The following PASD1 variants were observed in gnomAD, a reference collection of about 807,000 sequenced individuals.
PASD1 encodes circadian clock protein PASD1.
In PASD1, 13 loss-of-function variants were observed where a neutral mutation model predicts 58.8. The ratio of observed to expected loss-of-function variants is 0.22; its 90% CI spans 0.14 to 0.35. PASD1 has a LOEUF of 0.35. PASD1 is among the 10% of genes least tolerant of loss of function. The pLI is 1.00. For synonymous variants in PASD1, 236 were observed against 216.7 expected, an observed-to-expected ratio of 1.09 and a Z score of -0.78; for missense variants, 734 against 568.3, an observed-to-expected ratio of 1.29 and a Z score of -2.96.
intron 1 of PASD1, among the ~76,000 whole-genome samples, chrX:151,593,402 C>T (rs1337952533): frequency 9.8e-6 from 1 of 102,090 alleles, no homozygotes; most frequent in African/African-American, 3.7e-5. Flanking sequence ...CCCAACCCCC[C>T]ACCCCTGACA....
chrX:151,619,232 G>A (rs2013674600), intron 4 of PASD1, among the ~76,000 whole-genome samples: 2 of 111,778 alleles, frequency 1.8e-5, no homozygotes, highest in South Asian at 7.5e-4. Context: ...GGCAAGTCAA[G>A]GACAAGTAAA....
chrX:151,674,144 C>T lies in PASD1; in HGVS notation c.2133C>T (p.Cys711=), dbSNP rs756636815. 30 of 1,210,223 alleles carry T rather than the reference C, an allele frequency of 2.5e-5. No individual in the cohort carries two copies. The highest frequency in any genetic ancestry group is 3.1e-5 in the Non-Finnish European group (28 of 895,285). The change falls in exon 15 of 16, where the codon TGC becomes TGT. Residue 711 remains cysteine, a synonymous_variant. Transcript: ENST00000370357. ...TTGTCCAAGTGAACACTTGGTCTTGCGATGAGCAGGGCACCCTGCACGGCC... is the reference window on the plus strand; with the variant it reads ...TTGTCCAAGTGAACACTTGGTCTTGTGATGAGCAGGGCACCCTGCACGGCC... ...GPVVQVNTWS[C]DEQGTLHGQP... is the part of the protein sequence containing the mutation.
At chrX:151,643,467 C>T (rs1168527610) in intron 8 of PASD1, among the ~76,000 whole-genome samples, 1 of 111,303 alleles carries the variant, frequency 9.0e-6, no homozygotes, top group East Asian at 2.8e-4. Context: ...ATGAGCCTAT[C>T]GATTTCAAAG....
At chrX:151,668,182 C>T (rs774941377) in intron 11 of PASD1, among the ~76,000 whole-genome samples, 41 of 111,601 alleles carry the variant, frequency 3.7e-4, no homozygotes, top group East Asian at 2.5e-3. Context: ...TACGTCCCAT[C>T]GATACCTAAT....
At chrX:151,574,055 T>C (rs2012965374) in intron 1 of PASD1, among the ~76,000 whole-genome samples, 1 of 112,414 alleles carries the variant, frequency 8.9e-6, no homozygotes, top group Admixed American at 9.4e-5. Context: ...ACTAAGTGGG[T>C]TCCAAAGTCC....
Position 151,604,739 on chromosome X carries a change from G to T in PASD1, c.117+5G>T, listed in dbSNP as rs757928748. ...TTCAACCAAGTGACGCTACAGGTAAGAGGGCTTTTGTTCTTTGATTACTTC... is the reference window on the plus strand; with the variant it reads ...TTCAACCAAGTGACGCTACAGGTAATAGGGCTTTTGTTCTTTGATTACTTC... On this transcript the variant is annotated splice_donor_5th_base_variant and intron_variant, in intron 3 of 15. Coordinates refer to ENST00000370357, the MANE Select transcript of PASD1 (RefSeq NM_173493.3). 18 of 1,174,104 alleles carry T rather than the reference G, an allele frequency of 1.5e-5. No homozygotes were observed. The highest frequency in any genetic ancestry group is 2.1e-5 in the Non-Finnish European group (18 of 864,170).
chrX:151,607,649 T>C (rs1003537447), intron 3 of PASD1, among the ~76,000 whole-genome samples: 28 of 112,114 alleles, frequency 2.5e-4, no homozygotes, highest in Non-Finnish European at 4.9e-4. Flanking sequence ...GAAAATACTG[T>C]ATCTACCAGT....
chrX:151,630,667 G>A (rs1343912688), intron 8 of PASD1, among the ~76,000 whole-genome samples: 2 of 112,291 alleles, frequency 1.8e-5, no homozygotes, highest in Admixed American at 9.4e-5. Flanking sequence ...AAGGTCGTAG[G>A]GACCCACAGC....
chrX:151,637,042 C>A (rs2013939926), intron 8 of PASD1, among the ~76,000 whole-genome samples: 1 of 112,278 alleles, frequency 8.9e-6, no homozygotes, highest in Admixed American at 9.4e-5. Flanking sequence ...CAACACAATT[C>A]CTTTAAGATT....
chrX:151,635,926 A>T (rs1190799907), intron 8 of PASD1, among the ~76,000 whole-genome samples: 1 of 111,788 alleles, frequency 8.9e-6, no homozygotes, highest in Non-Finnish European at 1.9e-5. Flanking sequence ...GCATATTTTA[A>T]ATAGCTTGAT....
At chrX:151,620,158 G>C (rs747969528) in intron 4 of PASD1, among the ~76,000 whole-genome samples, 1 of 112,204 alleles carries the variant, frequency 8.9e-6, no homozygotes, top group East Asian at 2.8e-4. Context: ...CATAGAGTGT[G>C]TAATGACCAA....
At chrX:151,618,576 C>G (rs1199153562) in intron 4 of PASD1, among the ~76,000 whole-genome samples, 6 of 111,759 alleles carry the variant, frequency 5.4e-5, no homozygotes, top group African/African-American at 1.9e-4. Context: ...CAGGCAAGGT[C>G]TCTGTTATAC....
At chrX:151,592,896 C>T (rs1387503626) in intron 1 of PASD1, among the ~76,000 whole-genome samples, 1 of 111,615 alleles carries the variant, frequency 9.0e-6, no homozygotes, top group Non-Finnish European at 1.9e-5. Context: ...CTTCGATATC[C>T]TTACTTATTT....
At chrX:151,581,159 C>T (rs961806033) in intron 1 of PASD1, among the ~76,000 whole-genome samples, 2 of 90,889 alleles carry the variant, frequency 2.2e-5, no homozygotes, top group African/African-American at 4.3e-5. Flanking sequence ...ACCTGGGAGG[C>T]GGAGGTGGCA....
chrX:151,669,835 A>G (rs781614769), intron 11 of PASD1, among the ~76,000 whole-genome samples: 1 of 112,026 alleles, frequency 8.9e-6, no homozygotes, highest in Non-Finnish European at 1.9e-5. Context: ...GGCTATTGTG[A>G]ATAGTACTGC....
chrX:151,564,836 A>T (rs2012809636), intron 1 of PASD1, among the ~76,000 whole-genome samples: 1 of 111,558 alleles, frequency 9.0e-6, no homozygotes, highest in South Asian at 3.8e-4. Context: ...GAACCACGGC[A>T]CCCCAGCCTG....
At chrX:151,630,921 G>C (rs768514571) in intron 8 of PASD1, among the ~76,000 whole-genome samples, 3 of 111,961 alleles carry the variant, frequency 2.7e-5, no homozygotes, top group Non-Finnish European at 5.6e-5. Context: ...CAGGTGTACC[G>C]GAGTGGAAAG....
At chrX:151,668,456 G>A (rs752627205) in intron 11 of PASD1, among the ~76,000 whole-genome samples, 4 of 110,465 alleles carry the variant, frequency 3.6e-5, no homozygotes, top group East Asian at 5.6e-4. Context: ...TTGATAGACC[G>A]CTAGCAAGAC....
chrX:151,651,946 A>G (rs139244759), intron 9 of PASD1, among the ~76,000 whole-genome samples: 2,235 of 111,887 alleles, frequency 0.02, 42 homozygotes, highest in African/African-American at 0.068. Flanking sequence ...TTTTAAAACT[A>G]TTTTGTCATA....
Sources: gnomAD v4.1 joint callset for allele counts (sites outside exome capture counted in the v4.1 genomes callset) on GRCh38, gnomAD v4.1.1 for gene constraint, MANE v1.5 for transcripts, NCBI Gene and HGNC (gene_info 2026-07-23, HGNC 2026-07-21) for gene names.